FSD1L: variants seen among roughly 807,000 people sequenced by gnomAD.
FSD1L encodes the protein FSD1-like protein.
FSD1L carries 45 observed loss-of-function variants against 71.6 expected under a neutral mutation model. That is an observed-to-expected ratio of 0.63 (90% confidence interval 0.49 to 0.81). The LOEUF (loss-of-function observed/expected upper bound fraction) is 0.81, where lower values mean the gene tolerates loss of function less well. FSD1L is among the 30% of genes least tolerant of loss of function. The pLI, the probability that FSD1L is intolerant of heterozygous loss-of-function variation, is 0.00. For synonymous variants in FSD1L, 197 were observed against 207.2 expected (o/e 0.95, Z 0.42); for missense variants, 561 against 618.1 (o/e 0.91, Z 0.98).
chr9:105,484,187 C>T (rs547798120), intron 6 of FSD1L, among the ~76,000 whole-genome samples, 194 bp from the exon 7 acceptor site: 33 of 152,100 alleles, frequency 2.2e-4, no homozygotes, highest in African/African-American at 7.7e-4. Context: ...TCTTAAATGT[C>T]TTTAAAAAGA....
intron 7 of FSD1L, among the ~76,000 whole-genome samples, chr9:105,484,769 G>T (rs760955117): frequency 3.9e-5 from 6 of 152,004 alleles, no homozygotes; most frequent in Admixed American, 1.3e-4. Context: ...TTAGCAGTGG[G>T]TCTCAAGGCC....
intron 7 of FSD1L, among the ~76,000 whole-genome samples, chr9:105,493,520 T>C (rs1048761686): frequency 1.3e-5 from 2 of 152,170 alleles, no homozygotes; most frequent in Non-Finnish European, 2.9e-5. Context: ...AATATTGTTA[T>C]GTGTGAATTT....
chr9:105,502,061 A>G (rs550991137), intron 7 of FSD1L, among the ~76,000 whole-genome samples: 14 of 152,242 alleles, frequency 9.2e-5, no homozygotes, highest in Non-Finnish European at 1.2e-4. Flanking sequence ...TTTATATACT[A>G]ACATATATGG....
chr9:105,528,121 C>G (rs772358384), intron 10 of FSD1L, among the ~76,000 whole-genome samples: 2 of 152,260 alleles, frequency 1.3e-5, no homozygotes, highest in South Asian at 4.2e-4. Flanking sequence ...CTACAAACCA[C>G]TACTCAAGGA....
At chr9:105,474,910 G>T (rs1024970242) in intron 5 of FSD1L, among the ~76,000 whole-genome samples, 6 of 152,154 alleles carry the variant, frequency 3.9e-5, no homozygotes, top group Admixed American at 6.5e-5. Context: ...AATGCAAAAA[G>T]ATTTTAGAAC....
chr9:105,505,942 C>A (rs1456167644), intron 7 of FSD1L, among the ~76,000 whole-genome samples: 1 of 152,114 alleles, frequency 6.6e-6, no homozygotes, highest in Non-Finnish European at 1.5e-5. Flanking sequence ...TTAAATGTGG[C>A]TCATTTACTT....
intron 7 of FSD1L, among the ~76,000 whole-genome samples, chr9:105,505,190 T>C (rs1226845336): frequency 3.9e-5 from 6 of 152,250 alleles, no homozygotes; most frequent in Non-Finnish European, 5.9e-5. Flanking sequence ...TATTCATCTC[T>C]TATATCCTGC....
intron 10 of FSD1L, chr9:105,522,230 C>A: frequency 6.2e-7 from 1 of 1,613,278 alleles, no homozygotes; most frequent in Non-Finnish European, 8.5e-7. Context: ...AAGAGTTGGC[C>A]ACTGAGTGGT....
intron 10 of FSD1L, chr9:105,522,110 A>G (rs1428951593): frequency 2.5e-6 from 4 of 1,613,822 alleles, no homozygotes; most frequent in South Asian, 2.2e-5. Context: ...TTGCAGGACC[A>G]CTTTTCCAGA....
At position 105,484,364 on chromosome 9, in the gene FSD1L, G is replaced by A. The variant is rs373656091; in HGVS notation, c.465-17G>A. ...CCTATTTCTTTATTTTAAAAAGTAT[G>A]TTTGTGTTTACCGTAGAGTCACAAT... On this transcript the variant is annotated splice_polypyrimidine_tract_variant and intron_variant, in intron 6 of 13. Transcript: ENST00000481272. The A allele has an allele frequency of 3.4e-4, 491 of 1,459,082 alleles. 3 individuals are homozygous for A. The African/African-American group carries it at 5.9e-3, about 18-fold the overall frequency. The allele number at this position is 1,459,082 out of a possible 1,614,324, so 90.4% of individuals were successfully genotyped here.
In FSD1L at chr9:105,479,426, A is replaced by C. The variant is rs1381789521; in HGVS notation, c.464+50A>C. 8 of 1,423,516 alleles carry C rather than the reference A, an allele frequency of 5.6e-6. No individual in the cohort carries two copies. In the East Asian group the frequency reaches 1.8e-4, roughly 31 times the overall value. The allele number at this position is 1,423,516 out of a possible 1,614,324, so 88.2% of individuals were successfully genotyped here. ...TTAAGTATAAATATTGAAGTCAGAA[A>C]TGAAATTCAGAAATAGTTTTTTAAT... On this transcript the variant is annotated intron_variant, in intron 6 of 13. Transcript: ENST00000481272.
At chr9:105,506,204 A>G (rs1265720370) in intron 7 of FSD1L, among the ~76,000 whole-genome samples, 195 bp from the exon 8 acceptor site, 4 of 152,202 alleles carry the variant, frequency 2.6e-5, no homozygotes, top group Non-Finnish European at 5.9e-5. Context: ...TCGATTCCTT[A>G]TCCTTAGTGT....
chr9:105,540,269 GGT>G (rs1210496031), intron 13 of FSD1L, among the ~76,000 whole-genome samples: 1 of 151,780 alleles, frequency 6.6e-6, no homozygotes, highest in Non-Finnish European at 1.5e-5. Flanking sequence ...TGACTATTTG[GGT>G]ATATGCTTTT....
intron 5 of FSD1L, among the ~76,000 whole-genome samples, chr9:105,476,887 C>A (rs769097959): frequency 2.6e-5 from 4 of 152,132 alleles, no homozygotes; most frequent in African/African-American, 9.7e-5. Flanking sequence ...ACTTCTTAAA[C>A]CTCTCTTGCA....
rs1419210247 is a variant in FSD1L at position 105,451,251 on chromosome 9, G to A, written c.15+3016G>A. 1.4e-4 allele frequency among the ~76,000 whole-genome samples: 22 copies of A among 152,338 alleles called. No individual in the cohort carries two copies. In the South Asian group the frequency reaches 4.4e-3, roughly 30 times the overall value. ...TGGGATTACAGGCGTGGGCCACCGC[G>A]CCCGGCCCGACATTTTTACTTTTAA... is the stretch of plus-strand genomic sequence containing the variant. On this transcript the variant is annotated intron_variant, in intron 1 of 13. Transcript: ENST00000481272.
intron 9 of FSD1L, among the ~76,000 whole-genome samples, chr9:105,512,054 C>T (rs1456055153): frequency 2.6e-5 from 4 of 152,112 alleles, no homozygotes; most frequent in African/African-American, 9.6e-5. Flanking sequence ...TGAATCAGTA[C>T]ATTCTAATGA....
intron 1 of FSD1L, among the ~76,000 whole-genome samples, chr9:105,456,946 T>G (rs1366604468): frequency 6.6e-6 from 1 of 152,230 alleles, no homozygotes; most frequent in Non-Finnish European, 1.5e-5. Context: ...TCCATCAGTG[T>G]TTGTAAGGTA....
chr9:105,547,324 A>G lies in FSD1L; in HGVS notation c.*841A>G, dbSNP rs1837063196. 6.6e-6 allele frequency: 1 copy of G among 152,460 alleles called. No homozygotes were observed. The highest frequency in any genetic ancestry group is 6.6e-5 in the Admixed American group (1 of 15,242). The allele number at this position is 152,460 out of a possible 1,614,324, so 9.4% of individuals were successfully genotyped here. A position where few individuals can be genotyped will look rare whatever the true frequency, so the allele number is the denominator to read the frequency against. On this transcript the variant is annotated 3_prime_UTR_variant, in exon 14 of 14. Coordinates refer to ENST00000481272, the MANE Select transcript of FSD1L (RefSeq NM_001145313.3). ...GGTAAAATTCCCACTTGAATGTGAC[A>G]CTGATAATAATTATGCTGATTTTTA...
At chr9:105,457,826 C>T (rs1830450140) in intron 1 of FSD1L, among the ~76,000 whole-genome samples, 1 of 152,230 alleles carries the variant, frequency 6.6e-6, no homozygotes, top group South Asian at 2.1e-4. Context: ...AGCATGCTGG[C>T]TGCTGTGGCC....
Sources: allele counts gnomAD v4.1 joint callset (sites outside exome capture counted in the v4.1 genomes callset), GRCh38; gene constraint gnomAD v4.1.1; transcripts MANE v1.5; gene names NCBI Gene and HGNC (gene_info 2026-07-23, HGNC 2026-07-21).